The following IL17RA variants were observed in gnomAD, a reference collection of about 807,000 sequenced individuals.
IL17RA encodes the protein interleukin 17 receptor A.
IL17RA carries 34 observed loss-of-function variants against 50.4 expected under a neutral mutation model. The observed-to-expected ratio is 0.67, with a 90% CI of 0.51 to 0.90. IL17RA has a LOEUF of 0.90. IL17RA is among the 40% of genes least tolerant of loss of function. The pLI is 0.00. For synonymous variants in IL17RA, 585 were observed against 510.4 expected (o/e 1.15, Z -1.97); for missense variants, 1,276 against 1,169.8 (o/e 1.09, Z -1.32).
rs1555874494 is a variant in IL17RA at position 17,105,722 on chromosome 22, G to GC, written c.943+120_943+121insC. The GC allele has an allele frequency of 2.3e-5, 32 of 1,387,190 alleles. 1 individual carries two copies. The highest frequency in any genetic ancestry group is 3.2e-5 in the Non-Finnish European group (31 of 979,604). 85.9% of individuals were successfully genotyped at this position (1,387,190 alleles called of 1,614,324 possible). ...GCTGAACCGAGGCCAGCCCGGGGTG[G>GC]GGGGTGAGACCATGGTTTGTCGTGG... On this transcript the variant is annotated intron_variant, in intron 10 of 12. Transcript: ENST00000319363.
In IL17RA at chr22:17,098,843, G is replaced by A. The variant is rs777319486; in HGVS notation, c.379G>A (p.Val127Ile). ...GCTGAACACCAATGAACGTTTGTGC[G>A]TCAGGTTTGAGTTTCTGTCCAAACT... ...LQLNTNERLC[V>I]RFEFLSKLRH... The change falls in exon 4 of 13, where the codon GTC (valine) becomes ATC (isoleucine). Residue 127 changes from valine to isoleucine, a missense_variant. Coordinates refer to ENST00000319363, the MANE Select transcript of IL17RA (RefSeq NM_014339.7). 35 of 1,614,056 alleles carry A rather than the reference G, an allele frequency of 2.2e-5. No individual in the cohort carries two copies. Among genetic ancestry groups the A allele is most frequent in the South Asian group, 1.8e-4 (16 of 91,092 alleles).
In IL17RA at chr22:17,108,378, G is replaced by A. The variant is rs1057519079; in HGVS notation, c.1159G>A (p.Asp387Asn). The change falls in exon 13 of 13, where the codon GAC becomes AAC. Residue 387 changes from aspartate to asparagine, a missense_variant. By Grantham distance (23) the Asp-to-Asn change is conservative (BLOSUM62 1). Coordinates refer to ENST00000319363, the MANE Select transcript of IL17RA (RefSeq NM_014339.7). ...GAAGGTCTGGATCATCTACTCAGCCGACCACCCCCTCTACGTGGACGTGGT... is the reference window on the plus strand; with the variant it reads ...GAAGGTCTGGATCATCTACTCAGCCAACCACCCCCTCTACGTGGACGTGGT... ...PRKVWIIYSA[D>N]HPLYVDVVLK... 3.7e-6 allele frequency: 6 copies of A among 1,613,980 alleles called. No homozygotes were observed. The highest frequency in any genetic ancestry group is 5.1e-6 in the Non-Finnish European group (6 of 1,179,928).
Position 17,103,533 on chromosome 22 carries a change from C to T in IL17RA, c.802C>T (p.Leu268Phe), listed in dbSNP as rs1393149066. ...GTTCCACCAGCGATCCAACGTCACA[C>T]TCACTCTACGCAACCTTAAAGGGTG... ...EEFHQRSNVT[L>F]TLRNLKGCCR... Residue 268 changes from leucine (L) to phenylalanine (F), a missense_variant, in exon 8 of 13, where the codon CTC (leucine) becomes TTC (phenylalanine). By Grantham distance (22) the Leu-to-Phe change is conservative (BLOSUM62 0). Transcript: ENST00000319363. 1.2e-6 allele frequency: 2 copies of T among 1,614,002 alleles called. No homozygotes were observed. The highest frequency in any genetic ancestry group is 1.7e-6 in the Non-Finnish European group (2 of 1,179,932).
At chr22:17,089,561 T>C (rs938862728) in intron 1 of IL17RA, among the ~76,000 whole-genome samples, 5 of 152,138 alleles carry the variant, frequency 3.3e-5, no homozygotes, top group Admixed American at 6.5e-5. Flanking sequence ...AGGTAGCTCA[T>C]AGATAATATT....
Position 17,100,561 on chromosome 22 carries a change from C to G in IL17RA, c.550+80C>G, listed in dbSNP as rs547023821. On this transcript the variant is annotated intron_variant, in intron 5 of 12. Coordinates refer to ENST00000319363, the MANE Select transcript of IL17RA (RefSeq NM_014339.7). Reference sequence around the variant, plus strand: ...CACCAGGTGGCACAGATGCCAGCCCCCCTGCTCAGCAAGACATTGGCTGGC... The same window carrying G: ...CACCAGGTGGCACAGATGCCAGCCCGCCTGCTCAGCAAGACATTGGCTGGC... The G allele has an allele frequency of 1.7e-5, 26 of 1,554,686 alleles. No homozygotes were observed. In the African/African-American group the frequency reaches 2.6e-4, roughly 15 times the overall value.
At chr22:17,092,755 C>A (rs1159658446) in intron 1 of IL17RA, among the ~76,000 whole-genome samples, 1 of 151,808 alleles carries the variant, frequency 6.6e-6, no homozygotes, top group Non-Finnish European at 1.5e-5. Flanking sequence ...AAAATAACTT[C>A]TTCCTTCTGT....
chr22:17,108,438 G>A lies in IL17RA; in HGVS notation c.1219G>A (p.Gly407Ser), dbSNP rs2061422980. 1 of 1,613,962 alleles carries A rather than the reference G, an allele frequency of 6.2e-7. No homozygotes were observed. The highest frequency in any genetic ancestry group is 2.2e-5 in the East Asian group (1 of 44,870). The change falls in exon 13 of 13, where the codon GGC becomes AGC. Residue 407 changes from glycine to serine, a missense_variant. Physicochemically the swap from Gly to Ser is moderately conservative, Grantham distance 56. Transcript: ENST00000319363. ...CGCCCAGTTCCTGCTCACCGCCTGC[G>A]GCACGGAAGTGGCCCTGGACCTGCT... The part of the protein sequence containing the change: ...KFAQFLLTAC[G>S]TEVALDLLEE...
At chr22:17,098,744 C>G in intron 3 of IL17RA, 31 bp from the exon 4 acceptor site, 1 of 1,569,302 alleles carries the variant, frequency 6.4e-7, no homozygotes, top group Non-Finnish European at 8.8e-7. Flanking sequence ...TGATCTGCAT[C>G]TGTTTGTCTT....
Position 17,113,948 on chromosome 22 carries a change from C to T in IL17RA, c.*4128C>T, listed in dbSNP as rs2061456331. On this transcript the variant is annotated 3_prime_UTR_variant, in exon 13 of 13. Transcript: ENST00000319363. ...TTCTGGGGCAGAGCAGTTTGTGCCC[C>T]CTGAGGTACCACTGATCCTCTTTCC... The T allele has an allele frequency of 6.6e-6, 1 of 152,146 alleles. No homozygotes were observed. The highest frequency in any genetic ancestry group is 1.5e-5 in the Non-Finnish European group (1 of 68,040). The allele number at this position is 152,146 out of a possible 1,614,324, so 9.4% of individuals were successfully genotyped here.
At chr22:17,107,290 A>C (rs895524137) in intron 11 of IL17RA, among the ~76,000 whole-genome samples, 8 of 152,118 alleles carry the variant, frequency 5.3e-5, no homozygotes, top group African/African-American at 1.9e-4. Flanking sequence ...GGGGTGGCCA[A>C]ATTTCAGGGA....
rs1568922891 is a variant in IL17RA at position 17,107,719 on chromosome 22, C to T, written c.1046-8C>T. 1 of 1,611,922 alleles carries T rather than the reference C, an allele frequency of 6.2e-7. No individual in the cohort carries two copies. Among genetic ancestry groups the T allele is most frequent in the Non-Finnish European group, 8.5e-7 (1 of 1,177,894 alleles). ...GAACCACTCCAGTGTATTTCTTTTC[C>T]TTTCCAGGGCCTGGAAGTGAAAAAT... On this transcript the variant is annotated splice_polypyrimidine_tract_variant and splice_region_variant and intron_variant, in intron 11 of 12. Transcript: ENST00000319363.
chr22:17,097,628 A>G (rs1399518972), intron 2 of IL17RA, 169 bp from the exon 3 acceptor site: 24 of 695,606 alleles, frequency 3.5e-5, no homozygotes, highest in Non-Finnish European at 3.9e-5. Flanking sequence ...CCCAGTAAAC[A>G]TTAGAGAAGA....
At chr22:17,094,130 CATGCCACCACACCCAG>C (rs1166759313) in intron 1 of IL17RA, among the ~76,000 whole-genome samples, 4 of 152,078 alleles carry the variant, frequency 2.6e-5, no homozygotes, top group Non-Finnish European at 5.9e-5. Context: ...ACTACAGGCA[CATGCCACCACACCCAG>C]CTAATTTTTG....
chr22:17,103,054 A>C (rs1219425253), intron 7 of IL17RA, among the ~76,000 whole-genome samples: 1 of 152,214 alleles, frequency 6.6e-6, no homozygotes, highest in Admixed American at 6.5e-5. Context: ...AGGCAGAAGA[A>C]TCACTTGAAC....
rs762449094 is a variant in IL17RA at position 17,104,816 on chromosome 22, G to A, written c.931+6G>A. ...AGAAATGCCAGACACTCCAGGTAGGGGACATGCGGCTGTCCTAGGCCATAC... is the reference window on the plus strand; with the variant it reads ...AGAAATGCCAGACACTCCAGGTAGGAGACATGCGGCTGTCCTAGGCCATAC... On this transcript the variant is annotated splice_donor_region_variant and intron_variant, in intron 9 of 12. Transcript: ENST00000319363. The A allele has an allele frequency of 5.6e-6, 9 of 1,613,894 alleles. No homozygotes were observed. Among genetic ancestry groups the A allele is most frequent in the South Asian group, 5.5e-5 (5 of 91,084 alleles).
chr22:17,094,689 CTCTA>C (rs1463332277), intron 1 of IL17RA, among the ~76,000 whole-genome samples: 7 of 39,298 alleles, frequency 1.8e-4, no homozygotes, highest in East Asian at 6.0e-4. Context: ...CTCTCTCTCT[CTCTA>C]TATATATATA....
rs1184312970 is a variant in IL17RA at position 17,100,442 on chromosome 22, G to C, written c.511G>C (p.Gly171Arg). 1.9e-6 allele frequency: 3 copies of C among 1,614,128 alleles called. No homozygotes were observed. Among genetic ancestry groups the C allele is most frequent in the Non-Finnish European group, 2.5e-6 (3 of 1,180,008 alleles). Reference sequence around the variant, plus strand: ...CCACCTGCCCAAGCCCATCCCTGATGGGGACCCAAACCACCAGTCCAAGAA... The same window carrying C: ...CCACCTGCCCAAGCCCATCCCTGATCGGGACCCAAACCACCAGTCCAAGAA... ...VHHLPKPIPDGDPNHQSKNFL... is the reference protein window; with the variant it reads ...VHHLPKPIPDRDPNHQSKNFL... Residue 171 changes from glycine (G) to arginine (R), a missense_variant, in exon 5 of 13, where the codon GGG becomes CGG. Transcript: ENST00000319363.
intron 1 of IL17RA, among the ~76,000 whole-genome samples, chr22:17,086,116 G>C (rs2241041): frequency 0.2 from 30,460 of 151,884 alleles, 3,185 homozygotes; most frequent in East Asian, 0.25. Flanking sequence ...TGGCCTTTCT[G>C]TGAGCCAGGA....
chr22:17,109,726 T>A lies in IL17RA; in HGVS notation c.2507T>A (p.Leu836Gln), dbSNP rs1462952056. Residue 836 changes from leucine (L) to glutamine (Q), a missense_variant, in exon 13 of 13, where the codon CTG (leucine) becomes CAG (glutamine). Coordinates refer to ENST00000319363, the MANE Select transcript of IL17RA (RefSeq NM_014339.7). ...LPLSPEDLES[L>Q]RSLQRQLLFR... ...CTCTCTCCCGAGGACCTGGAGAGCC[T>A]GAGGAGCCTCCAGCGGCAGCTGCTT... 1.3e-6 allele frequency: 2 copies of A among 1,578,186 alleles called. No individual in the cohort carries two copies. The highest frequency in any genetic ancestry group is 1.7e-6 in the Non-Finnish European group (2 of 1,162,732).
Sources: gnomAD v4.1 joint callset for allele counts (sites outside exome capture counted in the v4.1 genomes callset) on GRCh38, gnomAD v4.1.1 for gene constraint, MANE v1.5 for transcripts, NCBI Gene and HGNC (gene_info 2026-07-23, HGNC 2026-07-21) for gene names.